The following FUBP3 variants were observed in gnomAD, a reference collection of about 807,000 sequenced individuals.
FUBP3 encodes far upstream element binding protein 3.
FUBP3 carries 28 observed loss-of-function variants against 85.6 expected under a neutral mutation model. That is an observed-to-expected ratio of 0.33 (90% confidence interval 0.24 to 0.45). The LOEUF is 0.45. Ranked by LOEUF, FUBP3 falls within the 20% of genes least tolerant of loss-of-function variation. The pLI is 1.00. For missense variants in FUBP3, 583 were observed against 755.1 expected (o/e 0.77, Z 2.67); for synonymous variants, 271 against 271.4 (o/e 1.00, Z 0.01).
At chr9:130,585,611 A>C (rs572414880) in intron 1 of FUBP3, among the ~76,000 whole-genome samples, 1 of 152,302 alleles carries the variant, frequency 6.6e-6, no homozygotes, top group East Asian at 1.9e-4. Flanking sequence ...TTACTGTAGG[A>C]CTTCTCAGAA....
intron 12 of FUBP3, among the ~76,000 whole-genome samples, chr9:130,627,277 C>T (rs924324730): frequency 6.6e-6 from 1 of 152,248 alleles, no homozygotes; most frequent in African/African-American, 2.4e-5. Flanking sequence ...TGAGCCAGGC[C>T]TCGCTGCCAG....
At chr9:130,611,277 A>G (rs12351309) in intron 3 of FUBP3, among the ~76,000 whole-genome samples, 30,055 of 152,086 alleles carry the variant, frequency 0.2, 4,920 homozygotes, top group African/African-American at 0.45. Flanking sequence ...CCTCATAACA[A>G]GGTCAGGAAG....
chr9:130,602,007 G>T (rs1395832326), intron 2 of FUBP3, among the ~76,000 whole-genome samples: 1 of 151,810 alleles, frequency 6.6e-6, no homozygotes, highest in Non-Finnish European at 1.5e-5. Context: ...TCACCATGTT[G>T]GCCAGGCTGG....
intron 9 of FUBP3, among the ~76,000 whole-genome samples, chr9:130,622,307 G>C (rs151263303): frequency 7.3e-6 from 1 of 136,512 alleles, no homozygotes; most frequent in Non-Finnish European, 1.5e-5. Context: ...GCAACAGAGC[G>C]AGACTCCATC....
chr9:130,612,881 A>T lies in FUBP3; in HGVS notation c.275-75A>T, dbSNP rs1050106793. 2.5e-5 allele frequency: 25 copies of T among 1,006,754 alleles called. No homozygotes were observed. The Admixed American group carries it at 4.3e-4, about 17-fold the overall frequency. 62.4% of individuals were successfully genotyped at this position (1,006,754 alleles called of 1,614,324 possible). On this transcript the variant is annotated intron_variant, in intron 4 of 18. Transcript: ENST00000319725. The surrounding 1 kb of genome is among the most constrained non-coding windows in gnomAD (Gnocchi z 4.1). ...GTGAGCCAAGTGTCACAGTTTGTGG[A>T]ATTAATTCAGTCATTCCTGCGTGGT...
At chr9:130,595,194 C>T (rs7042472) in intron 1 of FUBP3, among the ~76,000 whole-genome samples, 1 of 146,954 alleles carries the variant, frequency 6.8e-6, no homozygotes, top group South Asian at 2.2e-4. Flanking sequence ...CCATTGCACT[C>T]CAGCCTGGGC....
chr9:130,629,064 T>C (rs117034187), intron 12 of FUBP3, among the ~76,000 whole-genome samples: 2,877 of 152,332 alleles, frequency 0.019, 32 homozygotes, highest in Non-Finnish European at 0.031. Context: ...CCACCGCGCC[T>C]GGCCAAGTCT....
intron 2 of FUBP3, among the ~76,000 whole-genome samples, chr9:130,599,064 A>G (rs2119034543): frequency 6.6e-6 from 1 of 152,350 alleles, no homozygotes; most frequent in South Asian, 2.1e-4. Context: ...AGGCCAAGGC[A>G]GGCAAATCAC....
chr9:130,626,013 G>A (rs906968440), intron 11 of FUBP3, among the ~76,000 whole-genome samples: 1 of 152,206 alleles, frequency 6.6e-6, no homozygotes, highest in African/African-American at 2.4e-5. Context: ...TCAGCTGCAA[G>A]GGAGAAAGCA....
chr9:130,616,677 C>G lies in FUBP3; in HGVS notation c.567+160C>G, dbSNP rs1053068263. On this transcript the variant is annotated intron_variant, in intron 7 of 18. Transcript: ENST00000319725. This position sits in a 1 kb window ranked among gnomAD's most constrained non-coding sequence, Gnocchi z 4.7. ...CTCCATTTGACAGACAGCTTCTGAACATACACCACGGCCACGTCTGATGCC... is the reference window on the plus strand; with the variant it reads ...CTCCATTTGACAGACAGCTTCTGAAGATACACCACGGCCACGTCTGATGCC... Among the ~76,000 whole-genome samples the G allele has an allele frequency of 1.3e-5, 2 of 152,218 alleles. No individual in the cohort carries two copies. The highest frequency in any genetic ancestry group is 2.9e-5 in the Non-Finnish European group (2 of 68,034).
chr9:130,596,619 C>G (rs751977263), intron 2 of FUBP3: 17 of 413,286 alleles, frequency 4.1e-5, no homozygotes, highest in African/African-American at 3.4e-4. Context: ...ACCTCGGCTT[C>G]CCAAGTAGCT....
At position 130,631,550 on chromosome 9, in the gene FUBP3, C is replaced by G. The variant is rs758242249; in HGVS notation, c.1279-7C>G. ...AGCGGGTGAGAGCTCCCTCTGTGCC[C>G]CCACAGGGGACCAATCTCGGAGCAC... On this transcript the variant is annotated splice_region_variant and splice_polypyrimidine_tract_variant and intron_variant, in intron 13 of 18. Transcript: ENST00000319725. The G allele has an allele frequency of 3.7e-6, 6 of 1,611,638 alleles. No homozygotes were observed. Among genetic ancestry groups the G allele is most frequent in the Non-Finnish European group, 4.2e-6 (5 of 1,177,744 alleles).
At position 130,617,828 on chromosome 9, in the gene FUBP3, A is replaced by G; in HGVS notation, c.599A>G (p.Gln200Arg). The change falls in exon 8 of 19, where the codon CAG (glutamine) becomes CGG (arginine). Residue 200 changes from glutamine (Q) to arginine (R), a missense_variant. Physicochemically the swap from Gln to Arg is conservative, Grantham distance 43. Around this residue, in one of 3 missense-constraint regions of FUBP3, gnomAD observed 404 missense variants for 516.8 expected, o/e 0.78. Coordinates refer to ENST00000319725, the MANE Select transcript of FUBP3 (RefSeq NM_003934.2). The part of the protein sequence containing the change: ...ERTGVKMVMI[Q>R]DGPLPTGADK... ...ACAGGGGTGAAGATGGTCATGATCC[A>G]GGATGGCCCATTGCCCACGGGAGCA... 3 of 1,607,786 alleles carry G rather than the reference A, an allele frequency of 1.9e-6. No individual in the cohort carries two copies. The highest frequency in any genetic ancestry group is 2.6e-6 in the Non-Finnish European group (3 of 1,174,186).
intron 16 of FUBP3, 136 bp downstream of exon 16, chr9:130,632,414 G>A: frequency 1.5e-6 from 1 of 682,306 alleles, no homozygotes; most frequent in Non-Finnish European, 2.6e-6. Context: ...GAGCCCTCTG[G>A]GTGGGGCTTG....
chr9:130,619,076 C>T (rs1054759244), intron 8 of FUBP3, among the ~76,000 whole-genome samples: 1 of 152,202 alleles, frequency 6.6e-6, no homozygotes, highest in Non-Finnish European at 1.5e-5. Flanking sequence ...CCGTGGGCTC[C>T]AGTACTGTGA....
intron 5 of FUBP3, 43 bp from the exon 6 acceptor site, chr9:130,614,245 C>T (rs758598148): frequency 1.5e-5 from 19 of 1,303,746 alleles, no homozygotes; most frequent in South Asian, 1.1e-4. Flanking sequence ...TGCATGTGCC[C>T]GGTGCCCACC....
chr9:130,617,784 G>C lies in FUBP3; in HGVS notation c.568-13G>C, dbSNP rs1032023513. ...ATTATTCATGAGGCTGTGCTGGTGT[G>C]TGTTCCCCACAGGAGCGGACAGGGG... On this transcript the variant is annotated splice_polypyrimidine_tract_variant and intron_variant, in intron 7 of 18. Coordinates refer to ENST00000319725, the MANE Select transcript of FUBP3 (RefSeq NM_003934.2). 6.7e-7 allele frequency: 1 copy of C among 1,501,906 alleles called. No homozygotes were observed. Among genetic ancestry groups the C allele is most frequent in the Admixed American group, 1.7e-5 (1 of 59,898 alleles). The allele number at this position is 1,501,906 out of a possible 1,614,324, so 93.0% of individuals were successfully genotyped here. A position where few individuals can be genotyped will look rare whatever the true frequency, so the allele number is the denominator to read the frequency against.
At position 130,616,226 on chromosome 9, in the gene FUBP3, AGGAGCT is replaced by A; in HGVS notation, c.405-119_405-114del. ...AGAGAGACCTCCGGGTTGTGGGGGC[AGGAGCT>A]GGAGCTGGATGGAGGGCTGCCCTGA... On this transcript the variant is annotated intron_variant, in intron 6 of 18. Coordinates refer to ENST00000319725, the MANE Select transcript of FUBP3 (RefSeq NM_003934.2). This position sits in a 1 kb window ranked among gnomAD's most constrained non-coding sequence, Gnocchi z 4.7. 1 of 789,166 alleles carries A rather than the reference AGGAGCT, an allele frequency of 1.3e-6. No individual in the cohort carries two copies. Among genetic ancestry groups the A allele is most frequent in the Non-Finnish European group, 2.1e-6 (1 of 487,642 alleles). The allele number at this position is 789,166 out of a possible 1,614,324, so 48.9% of individuals were successfully genotyped here.
rs576057473 is a variant in FUBP3, at chr9:130,608,573, A to G, written c.191-1381A>G. 3.9e-4 allele frequency among the ~76,000 whole-genome samples: 59 copies of G among 152,294 alleles called. 1 individual carries two copies. The South Asian group carries it at 0.011, about 29-fold the overall frequency. On this transcript the variant is annotated intron_variant, in intron 2 of 18. Transcript: ENST00000319725. ...GTTTTCATGCAGAATGGGAGTTGTG[A>G]ACACTACCTGTTCCAAGCAAGAATG...
Sources: gnomAD v4.1 joint callset for allele counts (sites outside exome capture counted in the v4.1 genomes callset) on GRCh38, gnomAD v4.1.1 for gene constraint, gnomAD v4.1.1 regional missense constraint, Gnocchi (gnomAD v3.1) non-coding constraint, MANE v1.5 for transcripts, NCBI Gene and HGNC (gene_info 2026-07-23, HGNC 2026-07-21) for gene names.